ELP3: variants seen among roughly 807,000 people sequenced by gnomAD.
The protein encoded by ELP3 is elongator acetyltransferase complex subunit 3.
In ELP3, 56 loss-of-function variants were observed where a neutral mutation model predicts 74.9. The observed-to-expected ratio is 0.75, with a 90% CI of 0.60 to 0.93. ELP3 has a LOEUF of 0.93. ELP3 is among the 40% of genes least tolerant of loss of function. The pLI is 0.00. For synonymous variants in ELP3, 222 were observed against 239.8 expected, an observed-to-expected ratio of 0.93 and a Z score of 0.68; for missense variants, 573 against 686.5, an observed-to-expected ratio of 0.83 and a Z score of 1.85.
At chr8:28,183,142 A>G in intron 14 of ELP3, 1 of 456,256 alleles carries the variant, frequency 2.2e-6, no homozygotes, top group South Asian at 1.5e-5. Context: ...AATAACTTAC[A>G]TATAGTAAAG....
intron 7 of ELP3, among the ~76,000 whole-genome samples, chr8:28,127,867 G>C (rs571688020): frequency 1.3e-5 from 2 of 152,268 alleles, no homozygotes; most frequent in Admixed American, 1.3e-4. Context: ...CAATGCAAAA[G>C]AGTTCAAATG....
chr8:28,189,805 G>C lies in ELP3; in HGVS notation c.*80G>C. 6.8e-7 allele frequency: 1 copy of C among 1,478,760 alleles called. No homozygotes were observed. Among genetic ancestry groups the C allele is most frequent in the Non-Finnish European group, 9.4e-7 (1 of 1,062,236 alleles). 91.6% of individuals were successfully genotyped at this position (1,478,760 alleles called of 1,614,324 possible). A position where few individuals can be genotyped will look rare whatever the true frequency, so the allele number is the denominator to read the frequency against. On this transcript the variant is annotated 3_prime_UTR_variant, in exon 15 of 15. Transcript: ENST00000256398. The stretch of plus-strand genomic sequence containing the variant: ...CAGGATTTCTTAAATACTCAACAGA[G>C]AGGCTGAGCAGAGCAAATGGGGGGC...
Position 28,158,584 on chromosome 8 carries a change from C to T in ELP3, c.1208C>T (p.Thr403Ile). 6.3e-7 allele frequency: 1 copy of T among 1,590,702 alleles called. No individual in the cohort carries two copies. Among genetic ancestry groups the T allele is most frequent in the South Asian group, 1.1e-5 (1 of 90,712 alleles). ...TTTTGACAGTGTCGAGATGTGAGAA[C>T]CAGAGAAGTTGGAATCCAAGAAATT... ...DLGIQCRDVR[T>I]REVGIQEIHH... Residue 403 changes from threonine (T) to isoleucine (I), a missense_variant, in exon 12 of 15, where the codon ACC becomes ATC. Coordinates refer to ENST00000256398, the MANE Select transcript of ELP3 (RefSeq NM_018091.6).
intron 1 of ELP3, chr8:28,093,557 A>AT (rs1811132549): frequency 4.9e-6 from 2 of 404,412 alleles, no homozygotes; most frequent in Admixed American, 4.3e-5. Context: ...ATTTGTTAAG[A>AT]TTTGTTTCAC....
Position 28,110,604 on chromosome 8 carries a change from C to T in ELP3, c.462+166C>T, listed in dbSNP as rs1156682139. The T allele has an allele frequency of 6.8e-6, 4 of 590,618 alleles. No homozygotes were observed. The Admixed American group carries it at 1.4e-4, about 20-fold the overall frequency. The allele number at this position is 590,618 out of a possible 1,614,324, so 36.6% of individuals were successfully genotyped here. A position where few individuals can be genotyped will look rare whatever the true frequency, so the allele number is the denominator to read the frequency against. On this transcript the variant is annotated intron_variant, in intron 6 of 14. Transcript: ENST00000256398. ...GGGAGGGAGAATTTGCCATGCCTAG[C>T]AAGGTCAAAAACACTACTTTCTTTA...
At chr8:28,164,183 A>G (rs1814216641) in intron 14 of ELP3, among the ~76,000 whole-genome samples, 1 of 151,890 alleles carries the variant, frequency 6.6e-6, no homozygotes, top group South Asian at 2.1e-4. Flanking sequence ...TGCAGAGAGG[A>G]CCCCTGGCTT....
At chr8:28,175,074 T>C (rs1237924385) in intron 14 of ELP3, among the ~76,000 whole-genome samples, 3 of 152,184 alleles carry the variant, frequency 2.0e-5, no homozygotes, top group African/African-American at 7.2e-5. Context: ...TTCAAGATTC[T>C]CTCAGGTTTT....
intron 1 of ELP3, among the ~76,000 whole-genome samples, chr8:28,095,837 G>A (rs1811232235): frequency 6.6e-6 from 1 of 152,180 alleles, no homozygotes; most frequent in Non-Finnish European, 1.5e-5. Flanking sequence ...AATTGCCAGG[G>A]CCTTCCATCC....
chr8:28,158,191 A>G (rs1813915052), intron 11 of ELP3, among the ~76,000 whole-genome samples: 4 of 152,008 alleles, frequency 2.6e-5, no homozygotes, highest in Admixed American at 2.6e-4. Flanking sequence ...TTTACTCTTT[A>G]TATACATACT....
rs780997433 is a variant in ELP3, at chr8:28,156,008, A to G, written c.1167A>G (p.Ala389=). 1 of 1,613,884 alleles carries G rather than the reference A, an allele frequency of 6.2e-7. No homozygotes were observed. Among genetic ancestry groups the G allele is most frequent in the African/African-American group, 1.3e-5 (1 of 75,050 alleles). ...GTAACCTGAGAGAGCTGGCACTTGC[A>G]AGAATGAAAGACCTCGGAATACAGG... ...EHGNLRELAL[A]RMKDLGIQCR... Residue 389 remains alanine (A), a synonymous_variant, in exon 11 of 15, where the codon GCA becomes GCG. Transcript: ENST00000256398.
intron 14 of ELP3, among the ~76,000 whole-genome samples, chr8:28,188,275 A>G (rs1485088801): frequency 6.6e-6 from 1 of 152,192 alleles, no homozygotes; most frequent in African/African-American, 2.4e-5. Flanking sequence ...GAGACATCAT[A>G]AAAAATATAA....
chr8:28,100,881 C>T (rs1811453316), intron 3 of ELP3, among the ~76,000 whole-genome samples: 2 of 152,144 alleles, frequency 1.3e-5, no homozygotes, highest in Non-Finnish European at 2.9e-5. Context: ...GACCCTCCTA[C>T]CATATGGTCC....
chr8:28,170,424 T>TA (rs1397383015), intron 14 of ELP3, among the ~76,000 whole-genome samples: 1 of 152,178 alleles, frequency 6.6e-6, no homozygotes, highest in Non-Finnish European at 1.5e-5. Context: ...CTTTCCTAGG[T>TA]AGAGCTTGGC....
intron 3 of ELP3, among the ~76,000 whole-genome samples, chr8:28,104,799 C>G (rs1220553911): frequency 6.6e-6 from 1 of 152,212 alleles, no homozygotes; most frequent in East Asian, 1.9e-4. Flanking sequence ...ACCAGACTTA[C>G]CCTCTGTCAA....
At position 28,130,007 on chromosome 8, in the gene ELP3, T is replaced by C. The variant is rs530394206; in HGVS notation, c.779+344T>C. ...CCAAGAACAAAGAAAAGAGTTTGAA[T>C]AAAAAGGACATCAGGGTAATGTTTA... On this transcript the variant is annotated intron_variant, in intron 8 of 14. Transcript: ENST00000256398. Among the ~76,000 whole-genome samples, 17 of 152,256 alleles carry C rather than the reference T, an allele frequency of 1.1e-4. No homozygotes were observed. In the South Asian group the frequency reaches 3.5e-3, roughly 32 times the overall value.
intron 10 of ELP3, among the ~76,000 whole-genome samples, chr8:28,142,581 C>T (rs530219362): frequency 1.3e-5 from 2 of 152,244 alleles, no homozygotes; most frequent in Non-Finnish European, 2.9e-5. Flanking sequence ...GTAATGTCCT[C>T]GATGAGTCTG....
intron 7 of ELP3, among the ~76,000 whole-genome samples, chr8:28,117,801 A>G (rs1035947148): frequency 1.3e-5 from 2 of 152,142 alleles, no homozygotes; most frequent in African/African-American, 4.8e-5. Context: ...CAAACCCCTC[A>G]TAATAGAGTT....
intron 11 of ELP3, 62 bp from the exon 12 acceptor site, chr8:28,158,506 C>T: frequency 9.2e-7 from 1 of 1,087,740 alleles, no homozygotes; most frequent in Non-Finnish European, 1.4e-6. Flanking sequence ...GAATTGGTTA[C>T]CAGTTTTATA....
In ELP3 at chr8:28,189,672, A is replaced by C. The variant is rs371091935; in HGVS notation, c.1591A>C (p.Arg531=). 36 of 1,614,086 alleles carry C rather than the reference A, an allele frequency of 2.2e-5. No homozygotes were observed. In the African/African-American group the frequency reaches 4.4e-4, roughly 20 times the overall value. Residue 531 remains arginine (R), a synonymous_variant, in exon 15 of 15, where the codon AGA becomes CGA. Transcript: ENST00000256398. ...AGGGGTCGGCACCAGGAATTATTAT[A>C]GAAAGATCGGCTACAGATTACAAGG... ...ISGVGTRNYY[R]KIGYRLQGPY...
Sources: gnomAD v4.1 joint callset for allele counts (sites outside exome capture counted in the v4.1 genomes callset) on GRCh38, gnomAD v4.1.1 for gene constraint, MANE v1.5 for transcripts, NCBI Gene and HGNC (gene_info 2026-07-23, HGNC 2026-07-21) for gene names.